The following EXOSC7 variants were observed in gnomAD, a reference collection of about 807,000 sequenced individuals.
EXOSC7 encodes the protein exosome component 7.
Under a neutral mutation model 34.3 loss-of-function variants are expected in EXOSC7, and 25 were observed. The observed-to-expected ratio is 0.73, with a 90% CI of 0.53 to 1.02. EXOSC7 has a LOEUF of 1.02. EXOSC7 is among the 50% of genes least tolerant of loss of function. The probability of loss-of-function intolerance (pLI) is 0.00; values close to 1 mark genes in which losing one functional copy is unlikely to be tolerated. For synonymous variants in EXOSC7, 130 were observed against 143.0 expected (o/e 0.91, Z 0.65); for missense variants, 370 against 368.5 (o/e 1.00, Z -0.03).
intron 3 of EXOSC7, among the ~76,000 whole-genome samples, chr3:44,992,805 C>T (rs73829699): frequency 1.8e-4 from 28 of 152,302 alleles, no homozygotes; most frequent in African/African-American, 6.0e-4. Flanking sequence ...CTCAGTTCTC[C>T]GACCATTGTG....
At chr3:45,001,965 G>A in intron 5 of EXOSC7, 1 of 230,848 alleles carries the variant, frequency 4.3e-6, no homozygotes, top group South Asian at 6.8e-5. Flanking sequence ...GATTTTGCCT[G>A]TTTTGTACTT....
At chr3:44,996,016 C>G (rs1305277664) in intron 3 of EXOSC7, among the ~76,000 whole-genome samples, 1 of 152,186 alleles carries the variant, frequency 6.6e-6, no homozygotes. Flanking sequence ...ACTCCCGCTT[C>G]TACCTCACTG....
At chr3:45,008,434 CTCTT>C (rs1707116097) in intron 7 of EXOSC7, among the ~76,000 whole-genome samples, 1 of 152,234 alleles carries the variant, frequency 6.6e-6, no homozygotes, top group African/African-American at 2.4e-5. Flanking sequence ...TCTACTTTCT[CTCTT>C]TATCATGTTA....
At chr3:44,985,126 A>G (rs186097001) in intron 1 of EXOSC7, among the ~76,000 whole-genome samples, 39 of 152,232 alleles carry the variant, frequency 2.6e-4, no homozygotes, top group South Asian at 1.7e-3. Context: ...GGAGGTGGAG[A>G]GGGCTGGAGT....
In EXOSC7 at chr3:45,007,563, C is replaced by G. The variant is rs549500671; in HGVS notation, c.759C>G (p.Phe253Leu). ...GKGSLDPESI[F>L]EMMETGKRVG... ...GCAGCCTGGACCCAGAGAGCATCTT[C>G]GAGATGATGGAGGTGAGGCCTTAGT... Residue 253 changes from phenylalanine to leucine, a missense_variant, in exon 7 of 8, where the codon TTC (phenylalanine) becomes TTG (leucine). By Grantham distance (22) the Phe-to-Leu change is conservative. Coordinates refer to ENST00000265564, the MANE Select transcript of EXOSC7 (RefSeq NM_015004.4). 1 of 1,608,548 alleles carries G rather than the reference C, an allele frequency of 6.2e-7. No homozygotes were observed. Among genetic ancestry groups the G allele is most frequent in the East Asian group, 2.2e-5 (1 of 44,776 alleles).
intron 4 of EXOSC7, among the ~76,000 whole-genome samples, chr3:44,999,945 GAC>G (rs1706829180): frequency 6.6e-6 from 1 of 152,176 alleles, no homozygotes; most frequent in Non-Finnish European, 1.5e-5. Flanking sequence ...TTAGTCCTCA[GAC>G]AGAGCCCATG....
chr3:44,989,255 C>T lies in EXOSC7; in HGVS notation c.159+14C>T, dbSNP rs746598942. On this transcript the variant is annotated intron_variant, in intron 2 of 7. Coordinates refer to ENST00000265564, the MANE Select transcript of EXOSC7 (RefSeq NM_015004.4). ...AGGGTCAAGCTGGTGAGTACTGTGA[C>T]CATGGTTCAAGCCCAGGTGGAGAAA... 11 of 1,593,790 alleles carry T rather than the reference C, an allele frequency of 6.9e-6. No homozygotes were observed. Among genetic ancestry groups the T allele is most frequent in the Non-Finnish European group, 6.0e-6 (7 of 1,161,836 alleles).
chr3:45,011,000 G>A (rs1350697822), intron 7 of EXOSC7, among the ~76,000 whole-genome samples: 1 of 152,178 alleles, frequency 6.6e-6, no homozygotes, highest in Non-Finnish European at 1.5e-5. Flanking sequence ...CCTGGTGGGG[G>A]CTGGTGTTTG....
At chr3:45,001,675 CTG>C (rs762472787) in intron 5 of EXOSC7, 67 bp downstream of exon 5, 20 of 1,137,756 alleles carry the variant, frequency 1.8e-5, no homozygotes, top group Non-Finnish European at 2.5e-5. Flanking sequence ...TAATGGAACA[CTG>C]AGGAAATTTC....
intron 1 of EXOSC7, chr3:44,976,972 G>C (rs1300470839): frequency 6.6e-6 from 1 of 152,186 alleles, no homozygotes; most frequent in Non-Finnish European, 1.5e-5. Context: ...CCAGCTACTC[G>C]GGAGACTGAG....
rs144475793 is a variant in EXOSC7, at chr3:44,976,303, C to T, written c.26C>T (p.Ala9Val). ...ATGGCGTCCGTGACGCTGAGCGAGG[C>T]GGAGAAGGTGTACATCGTGCATGGC... is the stretch of plus-strand genomic sequence containing the variant. MASVTLSE[A>V]EKVYIVHGVQ... is the part of the protein sequence containing the mutation. Residue 9 changes from alanine (A) to valine (V), a missense_variant, in exon 1 of 8, where the codon GCG becomes GTG. Physicochemically the swap from Ala to Val is moderately conservative, Grantham distance 64. This residue lies in a region of EXOSC7 where 95 missense variants were observed against 79.8 expected (regional missense o/e 1.19). Transcript: ENST00000265564. 3.1e-5 allele frequency: 49 copies of T among 1,563,214 alleles called. No individual in the cohort carries two copies. Among genetic ancestry groups the T allele is most frequent in the African/African-American group, 4.2e-5 (3 of 70,672 alleles).
intron 1 of EXOSC7, among the ~76,000 whole-genome samples, chr3:44,981,511 C>A (rs1706268758): frequency 6.6e-6 from 1 of 152,080 alleles, no homozygotes; most frequent in Non-Finnish European, 1.5e-5. Context: ...TGTCTTAAAC[C>A]ATCCACACTA....
chr3:45,007,581 G>A lies in EXOSC7; in HGVS notation c.771+6G>A, dbSNP rs145650051. 6.1e-4 allele frequency: 978 copies of A among 1,598,732 alleles called. 6 individuals carry two copies. The African/African-American group carries it at 0.012, about 19-fold the overall frequency. ...GCATCTTCGAGATGATGGAGGTGAG[G>A]CCTTAGTTCTGAGGAAGGTGCAGGG... On this transcript the variant is annotated splice_donor_region_variant and intron_variant, in intron 7 of 7. Transcript: ENST00000265564.
intron 6 of EXOSC7, among the ~76,000 whole-genome samples, chr3:45,006,692 A>G (rs901673612): frequency 3.3e-5 from 5 of 151,870 alleles, no homozygotes; most frequent in African/African-American, 1.2e-4. Flanking sequence ...CTGGGATTAC[A>G]GGCGTGAGCC....
intron 3 of EXOSC7, among the ~76,000 whole-genome samples, chr3:44,996,762 AG>A (rs1415143351): frequency 6.6e-6 from 1 of 152,218 alleles, no homozygotes; most frequent in African/African-American, 2.4e-5. Context: ...TATACTCTGA[AG>A]ATAAGAGAGT....
intron 3 of EXOSC7, among the ~76,000 whole-genome samples, chr3:44,993,170 A>G (rs979959972): frequency 1.3e-5 from 2 of 152,212 alleles, no homozygotes; most frequent in African/African-American, 4.8e-5. Context: ...CAAGCTGATG[A>G]GATAACTCTC....
chr3:45,005,216 C>T lies in EXOSC7; in HGVS notation c.492-75C>T. 2.6e-6 allele frequency: 4 copies of T among 1,536,316 alleles called. No homozygotes were observed. In the South Asian group the frequency reaches 4.5e-5, roughly 17 times the overall value. On this transcript the variant is annotated intron_variant, in intron 5 of 7. Coordinates refer to ENST00000265564, the MANE Select transcript of EXOSC7 (RefSeq NM_015004.4). ...CTCTTGTGAGACACAGGGATTCCAA[C>T]TCCTATTCTCAATCTTAAAAAGAAG...
At position 45,011,213 on chromosome 3, in the gene EXOSC7, C is replaced by G. The variant is rs761935778; in HGVS notation, c.772-22C>G. 21 of 1,513,378 alleles carry G rather than the reference C, an allele frequency of 1.4e-5. No individual in the cohort carries two copies. In the East Asian group the frequency reaches 4.6e-4, roughly 33 times the overall value. 93.7% of individuals were successfully genotyped at this position (1,513,378 alleles called of 1,614,324 possible). On this transcript the variant is annotated intron_variant, in intron 7 of 7. Transcript: ENST00000265564. ...TGTGCCTTACAAGGGGGTGTGTGCT[C>G]TCTCCCGTCCCTTCTCCACAGACTG...
chr3:44,997,685 A>G (rs1706759933), intron 4 of EXOSC7, among the ~76,000 whole-genome samples: 1 of 152,264 alleles, frequency 6.6e-6, no homozygotes, highest in South Asian at 2.1e-4. Flanking sequence ...TTTCCCATTT[A>G]TAAGTGAGGA....
Sources: gnomAD v4.1 joint callset for allele counts (sites outside exome capture counted in the v4.1 genomes callset) on GRCh38, gnomAD v4.1.1 for gene constraint, gnomAD v4.1.1 regional missense constraint, MANE v1.5 for transcripts, NCBI Gene and HGNC (gene_info 2026-07-23, HGNC 2026-07-21) for gene names.